The following DACH2 variants were observed in gnomAD, a reference collection of about 807,000 sequenced individuals.
DACH2 encodes dachshund homolog 2.
Under a neutral mutation model 35.8 loss-of-function variants are expected in DACH2, and 17 were observed. That is an observed-to-expected ratio of 0.48 (90% CI 0.33 to 0.71). The LOEUF (loss-of-function observed/expected upper bound fraction) is 0.71. Among genes scored for constraint, DACH2 ranks in the 30% least tolerant of loss-of-function variants. The pLI, the probability that DACH2 is intolerant of heterozygous loss-of-function variation, is 0.02. For missense variants in DACH2, 469 were observed against 472.7 expected (o/e 0.99, Z 0.07); for synonymous variants, 195 against 177.3 (o/e 1.10, Z -0.79).
At chrX:86,597,961 G>A (rs750704669) in intron 3 of DACH2, among the ~76,000 whole-genome samples, 81 of 111,611 alleles carry the variant, frequency 7.3e-4, no homozygotes, top group African/African-American at 2.5e-3. Context: ...GGGAGGCCTC[G>A]CAATCATGGT....
chrX:86,535,994 G>C (rs1035158337), intron 3 of DACH2, among the ~76,000 whole-genome samples: 4 of 110,746 alleles, frequency 3.6e-5, no homozygotes, highest in African/African-American at 1.3e-4. Flanking sequence ...TTTATAAATT[G>C]TGTTACAAGG....
intron 1 of DACH2, among the ~76,000 whole-genome samples, chrX:86,182,255 T>G (rs1340435435): frequency 8.9e-6 from 1 of 112,188 alleles, no homozygotes; most frequent in African/African-American, 3.2e-5. Context: ...CATGAAGTCT[T>G]TGCCCATGCC....
intron 2 of DACH2, among the ~76,000 whole-genome samples, chrX:86,452,562 T>G (rs2037398287): frequency 9.0e-6 from 1 of 111,271 alleles, no homozygotes; most frequent in East Asian, 2.8e-4. Context: ...GGAGGGTGTA[T>G]GTGTTCAGAA....
intron 1 of DACH2, among the ~76,000 whole-genome samples, chrX:86,340,881 A>G (rs941498102): frequency 1.8e-5 from 2 of 112,142 alleles, no homozygotes; most frequent in Non-Finnish European, 3.8e-5. Flanking sequence ...AATCCAGAGC[A>G]AGGCCCTACC....
intron 1 of DACH2, among the ~76,000 whole-genome samples, chrX:86,280,843 A>G (rs1395472944): frequency 1.8e-5 from 2 of 112,041 alleles, no homozygotes; most frequent in African/African-American, 3.2e-5. Context: ...AAAGATCAAA[A>G]GAGACAAAGA....
At chrX:86,445,275 G>A (rs1241147105) in intron 2 of DACH2, among the ~76,000 whole-genome samples, 3 of 95,618 alleles carry the variant, frequency 3.1e-5, no homozygotes, top group Non-Finnish European at 4.1e-5. Context: ...ACCAAACACC[G>A]CATATTCTCA....
Position 86,516,906 on chromosome X carries a change from G to T in DACH2, c.640+2515G>T. Among the ~76,000 whole-genome samples the T allele has an allele frequency of 1.8e-5, 2 of 111,596 alleles. 1 individual carries two copies. On this transcript the variant is annotated intron_variant, in intron 3 of 11. Coordinates refer to ENST00000373125, the MANE Select transcript of DACH2 (RefSeq NM_053281.3). ...AAGACATGATCTCTTTTTTATGGCTGCATAGTATTCCATGGTGTATATATA... is the reference window on the plus strand; with the variant it reads ...AAGACATGATCTCTTTTTTATGGCTTCATAGTATTCCATGGTGTATATATA...
At chrX:86,445,513 A>AT (rs1218019790) in intron 2 of DACH2, among the ~76,000 whole-genome samples, 1 of 40,006 alleles carries the variant, frequency 2.5e-5, no homozygotes, top group Non-Finnish European at 4.6e-5. Flanking sequence ...TATAATAATA[A>AT]TAAAAAAAAA....
At chrX:86,439,171 CTGTT>C (rs1330564170) in intron 2 of DACH2, among the ~76,000 whole-genome samples, 1 of 112,010 alleles carries the variant, frequency 8.9e-6, no homozygotes, top group Non-Finnish European at 1.9e-5. Flanking sequence ...TTTCATATAA[CTGTT>C]AGCCATTTGT....
intron 1 of DACH2, among the ~76,000 whole-genome samples, chrX:86,214,247 C>A (rs924866978): frequency 3.6e-5 from 4 of 111,746 alleles, no homozygotes; most frequent in Non-Finnish European, 7.6e-5. Context: ...CCTTAAGAAT[C>A]TTTAGTAAAT....
At chrX:86,543,341 A>G (rs1021315850) in intron 3 of DACH2, among the ~76,000 whole-genome samples, 5 of 112,037 alleles carry the variant, frequency 4.5e-5, no homozygotes, top group African/African-American at 1.6e-4. Flanking sequence ...AAGGATAGCA[A>G]CTTCAAAGAT....
At chrX:86,589,118 TC>T (rs1602675188) in intron 3 of DACH2, among the ~76,000 whole-genome samples, 4 of 111,950 alleles carry the variant, frequency 3.6e-5, no homozygotes, top group Admixed American at 9.5e-5. Flanking sequence ...ATTGAAGTGA[TC>T]GTATGGTTTT....
At chrX:86,692,728 A>G (rs2041024517) in intron 4 of DACH2, among the ~76,000 whole-genome samples, 1 of 111,838 alleles carries the variant, frequency 8.9e-6, no homozygotes, top group Non-Finnish European at 1.9e-5. Context: ...TCTTTTGTCA[A>G]TATTTTGCTC....
intron 1 of DACH2, among the ~76,000 whole-genome samples, chrX:86,198,674 A>G (rs2032060695): frequency 8.9e-6 from 1 of 111,772 alleles, no homozygotes; most frequent in Admixed American, 9.5e-5. Flanking sequence ...GAAGAAATGG[A>G]TAAATTTCTG....
chrX:86,641,669 G>T (rs746760289), intron 3 of DACH2, among the ~76,000 whole-genome samples: 3 of 111,758 alleles, frequency 2.7e-5, no homozygotes, highest in Admixed American at 9.5e-5. Flanking sequence ...TTCCAAGATT[G>T]AAATGAAAGA....
chrX:86,531,424 C>T (rs1219446046), intron 3 of DACH2, among the ~76,000 whole-genome samples: 1 of 111,609 alleles, frequency 9.0e-6, no homozygotes, highest in East Asian at 2.8e-4. Context: ...CTGCTCTGTG[C>T]AGCCTCAGGA....
In DACH2 at chrX:86,455,079, A is replaced by C. The variant is rs148376364; in HGVS notation, c.528-59200A>C. ...GTGCACTTGAGACCCCAGTTGCCTCATTTTTTTCCTGTACCTGGAGGTGAC... is the reference window on the plus strand; with the variant it reads ...GTGCACTTGAGACCCCAGTTGCCTCCTTTTTTTCCTGTACCTGGAGGTGAC... On this transcript the variant is annotated intron_variant, in intron 2 of 11. Transcript: ENST00000373125. 3.8e-3 allele frequency among the ~76,000 whole-genome samples: 417 copies of C among 110,271 alleles called. 3 individuals are homozygous for C. The highest frequency in any genetic ancestry group is 0.013 in the African/African-American group (394 of 30,262).
intron 2 of DACH2, among the ~76,000 whole-genome samples, chrX:86,417,089 CAAAAAAAAAAA>C (rs386417185): frequency 8.7e-5 from 2 of 23,038 alleles, no homozygotes; most frequent in South Asian, 0.011. Context: ...GACTCCATCT[CAAAAAAAAAAA>C]AAAAAAAAAA....
Position 86,539,116 on chromosome X carries a change from G to A in DACH2, c.640+24725G>A, listed in dbSNP as rs1028603538. Among the ~76,000 whole-genome samples, 9 of 110,827 alleles carry A rather than the reference G, an allele frequency of 8.1e-5. No homozygotes were observed. The East Asian group carries it at 2.6e-3, about 32-fold the overall frequency. On this transcript the variant is annotated intron_variant, in intron 3 of 11. Coordinates refer to ENST00000373125, the MANE Select transcript of DACH2 (RefSeq NM_053281.3). Reference sequence around the variant, plus strand: ...TTGTAATCCTTACGTTTTCAGGGAGGGACCCGGCTGGAGATGATTAGATCA... The same window carrying A: ...TTGTAATCCTTACGTTTTCAGGGAGAGACCCGGCTGGAGATGATTAGATCA...
Sources: allele counts gnomAD v4.1 joint callset (sites outside exome capture counted in the v4.1 genomes callset), GRCh38; gene constraint gnomAD v4.1.1; transcripts MANE v1.5; gene names NCBI Gene and HGNC (gene_info 2026-07-23, HGNC 2026-07-21).